The following NCOA2 variants were observed in gnomAD, a reference collection of about 807,000 sequenced individuals.
NCOA2 encodes the protein class E basic helix-loop-helix protein 75.
In NCOA2, 21 loss-of-function variants were observed where a neutral mutation model predicts 145.1. The ratio of observed to expected loss-of-function variants is 0.14; its 90% CI spans 0.10 to 0.21. The LOEUF is 0.21. Among genes scored for constraint, NCOA2 ranks in the 10% least tolerant of loss-of-function variants. The probability of loss-of-function intolerance (pLI) is 1.00; values close to 1 mark genes in which losing one functional copy is unlikely to be tolerated. For synonymous variants in NCOA2, 619 were observed against 637.5 expected, an observed-to-expected ratio of 0.97 and a Z score of 0.44; for missense variants, 1,472 against 1,837.6, an observed-to-expected ratio of 0.80 and a Z score of 3.64.
At chr8:70,317,132 G>A (rs1211985916) in intron 1 of NCOA2, among the ~76,000 whole-genome samples, 1 of 152,198 alleles carries the variant, frequency 6.6e-6, no homozygotes, top group Non-Finnish European at 1.5e-5. Context: ...GCAATGAGTG[G>A]CTATGATTGC....
At chr8:70,135,381 T>C (rs184862306) in intron 15 of NCOA2, among the ~76,000 whole-genome samples, 2 of 152,290 alleles carry the variant, frequency 1.3e-5, no homozygotes, top group Admixed American at 1.3e-4. Context: ...CCTCTACCTC[T>C]TTTTGGCCCA....
chr8:70,233,842 A>C (rs769042940), intron 2 of NCOA2, among the ~76,000 whole-genome samples: 22 of 152,130 alleles, frequency 1.4e-4, no homozygotes, highest in South Asian at 4.1e-4. Flanking sequence ...CTCTATTTTA[A>C]AAATTATTTT....
chr8:70,416,187 G>GTTTTTTT, the NCOA2 span, among the ~76,000 whole-genome samples: 2 of 136,754 alleles, frequency 1.5e-5, no homozygotes, highest in African/African-American at 5.9e-5. Flanking sequence ...GGGGACCTCA[G>GTTTTTTT]TTTTTTTGTT....
chr8:70,206,728 C>G lies in NCOA2; in HGVS notation c.259+7175G>C, dbSNP rs115531311. 3.9e-3 allele frequency among the ~76,000 whole-genome samples: 600 copies of G among 152,248 alleles called. 3 individuals are homozygous for G. Among genetic ancestry groups the G allele is most frequent in the African/African-American group, 0.014 (578 of 41,512 alleles). On this transcript the variant is annotated intron_variant, in intron 4 of 22. Transcript: ENST00000452400. ...TCTAGCTCTGACTTGCCCTTTTCAG[C>G]CTCAAATCCAACCAAGTGCTCCCAT...
intron 1 of NCOA2, among the ~76,000 whole-genome samples, chr8:70,327,429 C>T (rs990118154): frequency 6.6e-6 from 1 of 152,082 alleles, no homozygotes; most frequent in African/African-American, 2.4e-5. Flanking sequence ...CCAAAGGATA[C>T]CTCAAAGTTA....
At chr8:70,344,782 T>C (rs567987340) in intron 1 of NCOA2, among the ~76,000 whole-genome samples, 2 of 152,336 alleles carry the variant, frequency 1.3e-5, no homozygotes, top group Non-Finnish European at 1.5e-5. Flanking sequence ...AATCAAGGCC[T>C]GCTTATTAAC....
intron 14 of NCOA2, among the ~76,000 whole-genome samples, chr8:70,138,838 C>T (rs528863323): frequency 5.9e-5 from 9 of 152,374 alleles, no homozygotes; most frequent in Non-Finnish European, 1.0e-4. Flanking sequence ...GTGAAATCCT[C>T]TGTTTTCGCA....
intron 1 of NCOA2, among the ~76,000 whole-genome samples, chr8:70,355,409 C>CT (rs1222949205): frequency 2.6e-5 from 4 of 152,164 alleles, no homozygotes; most frequent in Non-Finnish European, 5.9e-5. Flanking sequence ...AGACACTATT[C>CT]TAGGCACTGA....
At chr8:70,157,905 G>C (rs1812468532) in intron 10 of NCOA2, among the ~76,000 whole-genome samples, 2 of 152,196 alleles carry the variant, frequency 1.3e-5, no homozygotes, top group Admixed American at 1.3e-4. Context: ...AGTGACTTTA[G>C]TTTGGGATCT....
chr8:70,454,931 T>C, the NCOA2 span, among the ~76,000 whole-genome samples: 1 of 152,232 alleles, frequency 6.6e-6, no homozygotes, highest in Non-Finnish European at 1.5e-5. Flanking sequence ...ATGAAGTTAA[T>C]GATGGTGAAA....
chr8:70,157,109 A>G lies in NCOA2; in HGVS notation c.1256T>C (p.Leu419Pro), dbSNP rs746119957. 2 of 1,613,922 alleles carry G rather than the reference A, an allele frequency of 1.2e-6. No individual in the cohort carries two copies. Among genetic ancestry groups the G allele is most frequent in the South Asian group, 2.2e-5 (2 of 91,082 alleles). Residue 419 changes from leucine to proline, a missense_variant, in exon 11 of 23, where the codon CTC becomes CCC. Coordinates refer to ENST00000452400, the MANE Select transcript of NCOA2 (RefSeq NM_006540.4). ...TATGGGAAAATTTATATTGCTACTG[A>G]GGGTCATGTCCTGACCTGGGTTCCC... ...CSGNPGQDMT[L>P]SSNINFPING...
intron 1 of NCOA2, among the ~76,000 whole-genome samples, chr8:70,395,748 G>A (rs1284731768): frequency 6.6e-6 from 1 of 152,096 alleles, no homozygotes; most frequent in Non-Finnish European, 1.5e-5. Flanking sequence ...TCATTTAGAC[G>A]GGGACTTCAA....
intron 1 of NCOA2, among the ~76,000 whole-genome samples, chr8:70,345,539 A>G (rs1398011681): frequency 6.6e-6 from 1 of 152,226 alleles, no homozygotes; most frequent in Non-Finnish European, 1.5e-5. Context: ...GTAAAATCCT[A>G]TTAAAATGAT....
intron 2 of NCOA2, 68 bp downstream of exon 2, chr8:70,296,676 T>TA (rs1827112713): frequency 6.6e-6 from 1 of 152,176 alleles, no homozygotes; most frequent in Non-Finnish European, 1.5e-5. Context: ...TCCTAAACTA[T>TA]ATAAAGAATT....
chr8:70,431,458 A>G, the NCOA2 span, among the ~76,000 whole-genome samples: 1 of 152,346 alleles, frequency 6.6e-6, no homozygotes, highest in South Asian at 2.1e-4. Context: ...TATATGTAGC[A>G]CTAATGCTAC....
intron 14 of NCOA2, among the ~76,000 whole-genome samples, chr8:70,138,779 C>T (rs938325022): frequency 2.0e-5 from 3 of 152,146 alleles, no homozygotes; most frequent in Non-Finnish European, 4.4e-5. Flanking sequence ...TTATTGGCAT[C>T]GTTTTACATT....
intron 4 of NCOA2, among the ~76,000 whole-genome samples, chr8:70,182,055 A>G (rs1443788792): frequency 6.6e-6 from 1 of 152,268 alleles, no homozygotes; most frequent in African/African-American, 2.4e-5. Flanking sequence ...CCAGCAGCAC[A>G]TTCTTATTCA....
upstream of NCOA2, among the ~76,000 whole-genome samples, chr8:70,406,565 T>G (rs973690884): frequency 2.0e-5 from 3 of 152,142 alleles, no homozygotes; most frequent in East Asian, 5.8e-4. Flanking sequence ...TTATTGAAAT[T>G]TAGTGGAAGT....
chr8:70,220,962 T>C (rs1340720765), intron 2 of NCOA2, among the ~76,000 whole-genome samples: 2 of 152,180 alleles, frequency 1.3e-5, no homozygotes, highest in Admixed American at 6.5e-5. Context: ...CCAATAAATG[T>C]TCTTAAAGTT....
Sources: gnomAD v4.1 joint callset for allele counts (sites outside exome capture counted in the v4.1 genomes callset) on GRCh38, gnomAD v4.1.1 for gene constraint, MANE v1.5 for transcripts, NCBI Gene and HGNC (gene_info 2026-07-23, HGNC 2026-07-21) for gene names.